MGA: variants seen among roughly 807,000 people sequenced by gnomAD.
MGA encodes MAX dimerization protein MGA.
A neutral mutation model predicts 261.1 loss-of-function variants in MGA; 40 were observed. That is an observed-to-expected ratio of 0.15 (90% confidence interval 0.12 to 0.20). The LOEUF is 0.20. Among genes scored for constraint, MGA ranks in the 10% least tolerant of loss-of-function variants. MGA has a pLI of 1.00. For synonymous variants in MGA, 1,302 were observed against 1,290.6 expected (o/e 1.01, Z -0.19); for missense variants, 3,397 against 3,630.5 (o/e 0.94, Z 1.65).
intron 5 of MGA, among the ~76,000 whole-genome samples, chr15:41,705,034 TAAA>T: frequency 6.6e-6 from 1 of 152,210 alleles, no homozygotes; most frequent in East Asian, 1.9e-4. Flanking sequence ...TCTGGTTGAA[TAAA>T]AATATAAAAA....
intron 9 of MGA, among the ~76,000 whole-genome samples, chr15:41,722,182 T>C (rs2060981185): frequency 7.2e-6 from 1 of 138,094 alleles, no homozygotes; most frequent in Non-Finnish European, 1.5e-5. Context: ...CAGGCTGGAG[T>C]GCAGTGGTGC....
At chr15:41,686,324 G>C (rs1443486985) in intron 2 of MGA, among the ~76,000 whole-genome samples, 2 of 151,998 alleles carry the variant, frequency 1.3e-5, no homozygotes, top group African/African-American at 4.8e-5. Flanking sequence ...AGCAGCCCTG[G>C]AAACATAGTG....
Position 41,711,000 on chromosome 15 carries a change from A to C in MGA, c.2735A>C (p.Lys912Thr). ...CAGGCAACTTTCAGTGGCCGAACTA[A>C]ATCATCTTATAAATCCATTTTACCA... is the stretch of plus-strand genomic sequence containing the variant. Residue 912 changes from lysine to threonine, a missense_variant, in exon 8 of 24, where the codon AAA (lysine) becomes ACA (threonine). Lys to Thr is a moderately conservative substitution (Grantham distance 78). Coordinates refer to ENST00000219905, the MANE Select transcript of MGA (RefSeq NM_001164273.2). 1 of 1,614,010 alleles carries C rather than the reference A, an allele frequency of 6.2e-7. No individual in the cohort carries two copies. The highest frequency in any genetic ancestry group is 8.5e-7 in the Non-Finnish European group (1 of 1,179,886).
chr15:41,691,809 A>G, intron 2 of MGA: 1 of 187,924 alleles, frequency 5.3e-6, no homozygotes, highest in South Asian at 8.8e-5. Context: ...TTGTTCCTCC[A>G]GTGTAATGTC....
In MGA at chr15:41,767,008, A is replaced by G; in HGVS notation, c.8926A>G (p.Ser2976Gly). The G allele has an allele frequency of 6.2e-7, 1 of 1,614,054 alleles. No individual in the cohort carries two copies. Among genetic ancestry groups the G allele is most frequent in the South Asian group, 1.1e-5 (1 of 91,080 alleles). The change falls in exon 24 of 24, where the codon AGC becomes GGC. Residue 2976 changes from serine (S) to glycine (G), a missense_variant. This residue lies in a region of MGA where 647 missense variants were observed against 642.4 expected (regional missense o/e 1.01). Coordinates refer to ENST00000219905, the MANE Select transcript of MGA (RefSeq NM_001164273.2). ...ACACATGAAGACTGGCTTGGAGAAC[A>G]GCAACAGCACAGACACTTTGTGGAG...
chr15:41,766,529 A>G lies in MGA; in HGVS notation c.8447A>G (p.Glu2816Gly). 1 of 1,613,978 alleles carries G rather than the reference A, an allele frequency of 6.2e-7. No homozygotes were observed. Among genetic ancestry groups the G allele is most frequent in the Non-Finnish European group, 8.5e-7 (1 of 1,179,890 alleles). ...GAACTGCTGACTAACATGGAAGATG[A>G]GGATGATACTGATGAGACACTGACT... Residue 2816 changes from glutamate to glycine, a missense_variant, in exon 24 of 24, where the codon GAG (glutamate) becomes GGG (glycine). Glu to Gly is a moderately conservative substitution (Grantham distance 98). This residue lies in a region of MGA where 647 missense variants were observed against 642.4 expected (regional missense o/e 1.01). Transcript: ENST00000219905.
At chr15:41,627,735 G>A (rs898543655) in intron 1 of MGA, among the ~76,000 whole-genome samples, 3 of 152,142 alleles carry the variant, frequency 2.0e-5, no homozygotes, top group Non-Finnish European at 4.4e-5. Flanking sequence ...AAATAATGAC[G>A]AAGTTGCCTG....
intron 4 of MGA, 26 bp from the exon 5 acceptor site, chr15:41,699,038 T>G (rs370859946): frequency 4.6e-5 from 73 of 1,589,548 alleles, no homozygotes; most frequent in Non-Finnish European, 6.1e-5. Context: ...AGTAGCTTAT[T>G]TTATTACTAT....
At chr15:41,732,468 G>A (rs1183883429) in intron 11 of MGA, among the ~76,000 whole-genome samples, 2 of 151,996 alleles carry the variant, frequency 1.3e-5, no homozygotes, top group African/African-American at 4.8e-5. Context: ...ATTATATCTT[G>A]TGACACCTGA....
In MGA at chr15:41,729,246, A is replaced by T. The variant is rs764203215; in HGVS notation, c.3740A>T (p.Lys1247Ile). The T allele has an allele frequency of 6.2e-7, 1 of 1,613,944 alleles. No individual in the cohort carries two copies. The highest frequency in any genetic ancestry group is 1.7e-5 in the Admixed American group (1 of 60,014). The stretch of plus-strand genomic sequence containing the variant: ...GCTCGAGTTCGAGTATATGAGCGAA[A>T]AAAAGAGGACCAGAGACAACCATCT... The change falls in exon 11 of 24, where the codon AAA (lysine) becomes ATA (isoleucine). Residue 1247 changes from lysine (K) to isoleucine (I), a missense_variant. Transcript: ENST00000219905.
chr15:41,648,871 G>C (rs1470595979), intron 1 of MGA, among the ~76,000 whole-genome samples: 2 of 152,158 alleles, frequency 1.3e-5, no homozygotes, highest in African/African-American at 4.8e-5. Context: ...CCTTGATACT[G>C]TGTGGAGAAT....
At chr15:41,742,385 A>G (rs937649408) in intron 14 of MGA, among the ~76,000 whole-genome samples, 161 bp from the exon 15 acceptor site, 6 of 152,036 alleles carry the variant, frequency 3.9e-5, no homozygotes, top group African/African-American at 1.4e-4. Flanking sequence ...AAGAAACTCC[A>G]TCTTAAAAAA....
chr15:41,638,018 A>T (rs1252424348), intron 1 of MGA, among the ~76,000 whole-genome samples: 2 of 125,250 alleles, frequency 1.6e-5, no homozygotes, highest in Non-Finnish European at 3.2e-5. Flanking sequence ...GACGTGAGCC[A>T]CTACTGTGCC....
intron 5 of MGA, among the ~76,000 whole-genome samples, chr15:41,703,037 C>G (rs1178326801): frequency 2.0e-5 from 3 of 152,118 alleles, no homozygotes; most frequent in African/African-American, 7.2e-5. Context: ...TGAACCAGTA[C>G]TGATATATTA....
intron 1 of MGA, among the ~76,000 whole-genome samples, chr15:41,626,583 C>T (rs551601972): frequency 2.0e-5 from 3 of 151,956 alleles, no homozygotes; most frequent in South Asian, 4.2e-4. Context: ...CCATCACGCC[C>T]GGCTAATTTT....
chr15:41,638,788 T>G (rs918288661), intron 1 of MGA, among the ~76,000 whole-genome samples: 4 of 151,632 alleles, frequency 2.6e-5, no homozygotes, highest in Non-Finnish European at 5.9e-5. Context: ...CCTCCTGAGT[T>G]TGAGTGATTC....
intron 20 of MGA, among the ~76,000 whole-genome samples, chr15:41,761,055 G>A (rs1159309401): frequency 6.6e-6 from 1 of 152,222 alleles, no homozygotes; most frequent in East Asian, 1.9e-4. Flanking sequence ...ACTGGCATGA[G>A]CCACTGCACC....
rs751381729 is a variant in MGA, at chr15:41,742,529, C to G, written c.4586-17C>G. On this transcript the variant is annotated splice_polypyrimidine_tract_variant and intron_variant, in intron 14 of 23. Transcript: ENST00000219905. ...ATGAGAACTGAAGATTTTTGACCTG[C>G]AAATTTCTGTTTGCAGCGGCTCGAC... 25 of 1,604,446 alleles carry G rather than the reference C, an allele frequency of 1.6e-5. No homozygotes were observed. The highest frequency in any genetic ancestry group is 2.0e-5 in the Non-Finnish European group (24 of 1,175,008).
At chr15:41,680,085 A>G (rs981542819) in intron 2 of MGA, among the ~76,000 whole-genome samples, 1 of 152,144 alleles carries the variant, frequency 6.6e-6, no homozygotes, top group African/African-American at 2.4e-5. Context: ...GTAAGGCCCA[A>G]ATCACATTGT....
Sources: gnomAD v4.1 joint callset for allele counts (sites outside exome capture counted in the v4.1 genomes callset) on GRCh38, gnomAD v4.1.1 for gene constraint, gnomAD v4.1.1 regional missense constraint, MANE v1.5 for transcripts, NCBI Gene and HGNC (gene_info 2026-07-23, HGNC 2026-07-21) for gene names.